TBCK: variants seen among roughly 807,000 people sequenced by gnomAD.
TBCK encodes TBC1 domain containing kinase.
A neutral mutation model predicts 113.4 loss-of-function variants in TBCK; 99 were observed. The observed-to-expected ratio is 0.87, with a 90% CI of 0.74 to 1.03. TBCK has a LOEUF of 1.03. TBCK is among the 50% of genes least tolerant of loss of function. The probability of loss-of-function intolerance (pLI) is 0.00; values close to 1 mark genes in which losing one functional copy is unlikely to be tolerated. For missense variants in TBCK, 1,045 were observed against 1,061.3 expected, an observed-to-expected ratio of 0.98 and a Z score of 0.21; for synonymous variants, 369 against 370.8, an observed-to-expected ratio of 1.00 and a Z score of 0.05.
chr4:106,116,981 C>T (rs184986921), intron 23 of TBCK, among the ~76,000 whole-genome samples: 1 of 152,048 alleles, frequency 6.6e-6, no homozygotes, highest in South Asian at 2.1e-4. Context: ...CATCCCCCCC[C>T]CATCTCAAAC....
intron 25 of TBCK, among the ~76,000 whole-genome samples, chr4:106,051,160 A>G (rs1734761895): frequency 6.6e-6 from 1 of 151,966 alleles, no homozygotes; most frequent in Admixed American, 6.6e-5. Flanking sequence ...GATGATAGGT[A>G]GGATTCATGA....
intron 3 of TBCK, among the ~76,000 whole-genome samples, chr4:106,287,758 T>C (rs1176438862): frequency 6.6e-6 from 1 of 152,128 alleles, no homozygotes; most frequent in Non-Finnish European, 1.5e-5. Flanking sequence ...AAGTAAACCA[T>C]CTTAGAAACA....
chr4:106,125,213 C>A (rs1224831008), intron 23 of TBCK, among the ~76,000 whole-genome samples: 2 of 152,116 alleles, frequency 1.3e-5, no homozygotes, highest in Admixed American at 1.3e-4. Flanking sequence ...ATCCAGCAAT[C>A]CCACTGCTGG....
At chr4:106,215,807 C>CAT (rs1756820094) in intron 19 of TBCK, among the ~76,000 whole-genome samples, 1 of 151,080 alleles carries the variant, frequency 6.6e-6, no homozygotes. Context: ...GACAGATCAA[C>CAT]GAGACAGAAA....
At chr4:106,118,813 T>C (rs1021013209) in intron 23 of TBCK, among the ~76,000 whole-genome samples, 1 of 152,134 alleles carries the variant, frequency 6.6e-6, no homozygotes, top group Non-Finnish European at 1.5e-5. Context: ...TCCAATCAAA[T>C]GTATCATATG....
intron 19 of TBCK, among the ~76,000 whole-genome samples, chr4:106,225,072 GA>G (rs1176103443): frequency 6.6e-6 from 1 of 152,122 alleles, no homozygotes; most frequent in East Asian, 1.9e-4. Flanking sequence ...GTTATTTATT[GA>G]AAGAATCTCA....
At chr4:106,263,916 C>G (rs1052100688) in intron 3 of TBCK, among the ~76,000 whole-genome samples, 6 of 151,998 alleles carry the variant, frequency 3.9e-5, no homozygotes, top group African/African-American at 1.2e-4. Flanking sequence ...ATTTTCACAA[C>G]TTTCCTATTT....
rs768723859 is a variant in TBCK at position 106,135,670 on chromosome 4, A to T, written c.2236-19292T>A. Among the ~76,000 whole-genome samples, 3 of 141,970 alleles carry T rather than the reference A, an allele frequency of 2.1e-5. 1 individual carries two copies. The highest frequency in any genetic ancestry group is 4.8e-5 in the Non-Finnish European group (3 of 62,524). The allele number at this position is 141,970 out of a possible 152,430, so 93.1% of individuals were successfully genotyped here. A position where few individuals can be genotyped will look rare whatever the true frequency, so the allele number is the denominator to read the frequency against. On this transcript the variant is annotated intron_variant, in intron 23 of 25. Transcript: ENST00000394708. The stretch of plus-strand genomic sequence containing the variant: ...TACTATAAAAGCTCTGGAGGAGCGC[A>T]GAAAAATTTGATAAATAGTTACTGA...
chr4:106,091,271 A>T (rs1740194057), intron 25 of TBCK, among the ~76,000 whole-genome samples: 1 of 152,170 alleles, frequency 6.6e-6, no homozygotes, highest in Non-Finnish European at 1.5e-5. Context: ...AGGAAGAGCC[A>T]GACTTTTAAA....
At chr4:106,104,656 C>T (rs1741933714) in intron 24 of TBCK, among the ~76,000 whole-genome samples, 1 of 152,082 alleles carries the variant, frequency 6.6e-6, no homozygotes, top group Non-Finnish European at 1.5e-5. Flanking sequence ...ATACAAACTG[C>T]TTTTTTAAGC....
chr4:106,137,167 T>C (rs2149640454), intron 23 of TBCK, among the ~76,000 whole-genome samples: 1 of 140,380 alleles, frequency 7.1e-6, no homozygotes, highest in Non-Finnish European at 1.6e-5. Flanking sequence ...TATCATATTC[T>C]TGGAATGATC....
At chr4:106,239,476 AG>A (rs1759843316) in intron 12 of TBCK, among the ~76,000 whole-genome samples, 1 of 152,056 alleles carries the variant, frequency 6.6e-6, no homozygotes, top group Non-Finnish European at 1.5e-5. Flanking sequence ...AGTACAATGG[AG>A]GAAAAAAACA....
At chr4:106,125,625 G>A (rs908938839) in intron 23 of TBCK, among the ~76,000 whole-genome samples, 3 of 152,136 alleles carry the variant, frequency 2.0e-5, no homozygotes, top group Non-Finnish European at 2.9e-5. Context: ...AATATTGCAT[G>A]TTCTGACTCG....
chr4:106,053,188 G>A (rs777880859), intron 25 of TBCK, among the ~76,000 whole-genome samples: 24 of 151,466 alleles, frequency 1.6e-4, no homozygotes, highest in Middle Eastern at 6.3e-3. Flanking sequence ...TGTGACTGAC[G>A]GACATCTTTT....
chr4:106,303,777 C>T (rs566477116), intron 2 of TBCK, among the ~76,000 whole-genome samples: 2 of 152,146 alleles, frequency 1.3e-5, no homozygotes, highest in African/African-American at 4.8e-5. Context: ...ACTACCCCTT[C>T]TTTTTTGCCT....
intron 4 of TBCK, among the ~76,000 whole-genome samples, chr4:106,261,763 C>A (rs561918669): frequency 3.3e-5 from 5 of 151,868 alleles, no homozygotes; most frequent in South Asian, 2.1e-4. Context: ...CAAAAAGAGC[C>A]ATTTTCTTAA....
intron 25 of TBCK, among the ~76,000 whole-genome samples, chr4:106,061,019 G>A (rs1317281080): frequency 6.7e-6 from 1 of 150,296 alleles, no homozygotes; most frequent in African/African-American, 2.5e-5. Context: ...TTGGATGGAT[G>A]AGGAGTTGCT....
At chr4:106,057,639 C>T (rs1171795137) in intron 25 of TBCK, among the ~76,000 whole-genome samples, 2 of 151,642 alleles carry the variant, frequency 1.3e-5, no homozygotes, top group Non-Finnish European at 3.0e-5. Flanking sequence ...CTGTGGTCCT[C>T]CCCAACAATT....
chr4:106,072,272 C>T (rs1346308465), intron 25 of TBCK, among the ~76,000 whole-genome samples: 1 of 152,102 alleles, frequency 6.6e-6, no homozygotes, highest in Non-Finnish European at 1.5e-5. Flanking sequence ...CCTTTAGGGG[C>T]TCTTGTAAGG....
Sources: gnomAD v4.1 joint callset for allele counts (sites outside exome capture counted in the v4.1 genomes callset) on GRCh38, gnomAD v4.1.1 for gene constraint, MANE v1.5 for transcripts, NCBI Gene and HGNC (gene_info 2026-07-23, HGNC 2026-07-21) for gene names.